The following FRMD4A variants were observed in gnomAD, a reference collection of about 807,000 sequenced individuals.
FRMD4A encodes the protein FERM domain-containing protein 4A.
Under a neutral mutation model 129.1 loss-of-function variants are expected in FRMD4A, and 29 were observed. That is an observed-to-expected ratio of 0.22 (90% confidence interval 0.17 to 0.31). The LOEUF is 0.31. Ranked by LOEUF, FRMD4A falls within the 10% of genes least tolerant of loss-of-function variation. The pLI is 1.00. For synonymous variants in FRMD4A, 634 were observed against 571.6 expected (o/e 1.11, Z -1.56); for missense variants, 1,272 against 1,375.8 (o/e 0.92, Z 1.19).
intron 16 of FRMD4A, among the ~76,000 whole-genome samples, chr10:13,673,698 A>C (rs2083715966): frequency 6.6e-6 from 1 of 152,088 alleles, no homozygotes; most frequent in Non-Finnish European, 1.5e-5. Flanking sequence ...ATGGATATTT[A>C]AATAAATAAA....
At chr10:13,875,240 G>T (rs147191925) in intron 2 of FRMD4A, among the ~76,000 whole-genome samples, 310 of 152,274 alleles carry the variant, frequency 2.0e-3, no homozygotes, top group Middle Eastern at 3.4e-3. Flanking sequence ...TGGCTAAATC[G>T]CTTGAAATAG....
At chr10:13,808,288 G>A (rs1455300977) in intron 4 of FRMD4A, among the ~76,000 whole-genome samples, 1 of 152,220 alleles carries the variant, frequency 6.6e-6, no homozygotes, top group Non-Finnish European at 1.5e-5. Flanking sequence ...GCATTTTACT[G>A]TAAAACACAC....
At chr10:13,992,121 G>A (rs932608799) in intron 2 of FRMD4A, 2 of 152,220 alleles carry the variant, frequency 1.3e-5, no homozygotes, top group Non-Finnish European at 2.9e-5. Context: ...CCTCAGAAGC[G>A]TGCTTATAGA....
chr10:14,167,324 G>C (rs1441546979), intron 2 of FRMD4A, among the ~76,000 whole-genome samples: 1 of 152,010 alleles, frequency 6.6e-6, no homozygotes, highest in African/African-American at 2.4e-5. Flanking sequence ...TTGAGGTCGG[G>C]AGATCAAGAC....
At chr10:14,101,726 T>TAACACAACACAACAC (rs59561035) in intron 2 of FRMD4A, among the ~76,000 whole-genome samples, 287 of 146,524 alleles carry the variant, frequency 2.0e-3, no homozygotes, top group African/African-American at 6.2e-3. Context: ...GCCTGGCTTC[T>TAACACAACACAACAC]AACACAACAC....
intron 17 of FRMD4A, among the ~76,000 whole-genome samples, chr10:13,666,906 CTTTTCT>C (rs1414423390): frequency 0.017 from 2,230 of 129,444 alleles, 42 homozygotes; most frequent in African/African-American, 0.056. Context: ...CTTTTCTTTT[CTTTTCT>C]TTTTTTTTTT....
chr10:13,861,547 A>C (rs1564928782), intron 2 of FRMD4A, among the ~76,000 whole-genome samples: 1 of 152,238 alleles, frequency 6.6e-6, no homozygotes, highest in Non-Finnish European at 1.5e-5. Flanking sequence ...AAAGTTTCAC[A>C]TACTCCTAAA....
intron 2 of FRMD4A, among the ~76,000 whole-genome samples, chr10:14,266,721 T>A (rs1243233647): frequency 6.6e-6 from 1 of 152,256 alleles, no homozygotes; most frequent in Non-Finnish European, 1.5e-5. Flanking sequence ...TGCCTTTATT[T>A]TCTTTCTTAT....
At chr10:13,984,188 C>T (rs1013441151) in intron 2 of FRMD4A, among the ~76,000 whole-genome samples, 1 of 152,036 alleles carries the variant, frequency 6.6e-6, no homozygotes, top group Non-Finnish European at 1.5e-5. Flanking sequence ...GATTTCAAAG[C>T]GTTAAAACCA....
intron 2 of FRMD4A, among the ~76,000 whole-genome samples, chr10:14,194,559 C>T (rs10732258): frequency 0.98 from 149,775 of 152,266 alleles, 73,713 homozygotes; most frequent in East Asian, 1. Flanking sequence ...TGCAGTGAGC[C>T]GAGATCGCAC....
chr10:14,066,008 T>TGTGTGTGTGTGTGTGTGTGTGTG (rs1588899002), intron 2 of FRMD4A, among the ~76,000 whole-genome samples: 1 of 139,128 alleles, frequency 7.2e-6, no homozygotes, highest in African/African-American at 2.7e-5. Flanking sequence ...GGGTATGTAT[T>TGTGTGTGTGTGTGTGTGTGTGTG]TGTGTGTGTG....
At chr10:13,699,833 G>A (rs983341669) in intron 14 of FRMD4A, among the ~76,000 whole-genome samples, 11 of 152,146 alleles carry the variant, frequency 7.2e-5, no homozygotes, top group Non-Finnish European at 1.3e-4. Context: ...AAACACTTTG[G>A]CCCCATTTCT....
intron 2 of FRMD4A, among the ~76,000 whole-genome samples, chr10:13,973,419 C>A (rs1311724661): frequency 1.3e-5 from 2 of 152,122 alleles, no homozygotes; most frequent in African/African-American, 4.8e-5. Flanking sequence ...CTCCTGGCCT[C>A]CTGTGATCAT....
chr10:13,686,133 G>C (rs897409510), intron 15 of FRMD4A, among the ~76,000 whole-genome samples: 17 of 152,236 alleles, frequency 1.1e-4, no homozygotes, highest in African/African-American at 3.6e-4. Context: ...CTGGGGCAGA[G>C]CAGAGGCTAT....
intron 12 of FRMD4A, among the ~76,000 whole-genome samples, chr10:13,727,098 C>G (rs138928360): frequency 6.6e-6 from 1 of 151,388 alleles, no homozygotes; most frequent in Non-Finnish European, 1.5e-5. Context: ...GACGGGGCTT[C>G]GCTATGTTGG....
chr10:13,993,393 G>C (rs2095610472), intron 2 of FRMD4A, among the ~76,000 whole-genome samples: 1 of 152,182 alleles, frequency 6.6e-6, no homozygotes, highest in South Asian at 2.1e-4. Context: ...TGAAAGAGAT[G>C]ATTTAGAACT....
chr10:14,328,626 A>ATGTGTGTGTGTGTG (rs58681647), intron 2 of FRMD4A, among the ~76,000 whole-genome samples: 30 of 142,582 alleles, frequency 2.1e-4, no homozygotes, highest in African/African-American at 7.0e-4. Context: ...ATACATATGC[A>ATGTGTGTGTGTGTG]TGTGTGTGTG....
chr10:13,884,144 T>G (rs28431439), intron 2 of FRMD4A, among the ~76,000 whole-genome samples: 63,202 of 104,280 alleles, frequency 0.61, 17,436 homozygotes, highest in Non-Finnish European at 0.64. Flanking sequence ...TCACACACAC[T>G]CTCACACACT....
chr10:14,039,359 T>TGTCCGTCCGTCCGTCCGTCCGTCC (rs60914319), intron 2 of FRMD4A, among the ~76,000 whole-genome samples: 72 of 128,304 alleles, frequency 5.6e-4, no homozygotes, highest in African/African-American at 1.9e-3. Context: ...CTTTCTGATC[T>TGTCCGTCCGTCCGTCCGTCCGTCC]GTCCGTCCGT....
Sources: gnomAD v4.1 joint callset for allele counts (sites outside exome capture counted in the v4.1 genomes callset) on GRCh38, gnomAD v4.1.1 for gene constraint, MANE v1.5 for transcripts, NCBI Gene and HGNC (gene_info 2026-07-23, HGNC 2026-07-21) for gene names.